Variants in ANO2 observed in about 807,000 individuals in gnomAD.
ANO2 encodes anoctamin 2, also known as anoctamin-2.
In ANO2, 101 loss-of-function variants were observed where a neutral mutation model predicts 124.2. The ratio of observed to expected loss-of-function variants is 0.81; its 90% CI spans 0.69 to 0.96. The LOEUF is 0.96. Ranked by LOEUF, ANO2 falls within the 40% of genes least tolerant of loss-of-function variation. The probability of loss-of-function intolerance (pLI) is 0.00; values close to 1 mark genes in which losing one functional copy is unlikely to be tolerated. For synonymous variants in ANO2, 486 were observed against 482.5 expected, an observed-to-expected ratio of 1.01 and a Z score of -0.09; for missense variants, 1,293 against 1,274.5, an observed-to-expected ratio of 1.01 and a Z score of -0.22.
At chr12:5,832,735 CAAG>C (rs899132844) in intron 4 of ANO2, 132 bp from the exon 5 acceptor site, 10 of 1,075,732 alleles carry the variant, frequency 9.3e-6, no homozygotes, top group African/African-American at 6.4e-5. Context: ...CTGGGAGAAA[CAAG>C]AAGGAGGGCC....
chr12:5,787,515 C>T lies in ANO2; in HGVS notation c.1055+11992G>A, dbSNP rs924995634. 2.8e-4 allele frequency among the ~76,000 whole-genome samples: 43 copies of T among 152,108 alleles called. No individual in the cohort carries two copies. Among genetic ancestry groups the T allele is most frequent in the African/African-American group, 8.9e-4 (37 of 41,404 alleles). ...TCTCACCAACCTTGTGACTTTGGGC[C>T]ACTTAATAATGTCTTTGTGCTTCAA... On this transcript the variant is annotated intron_variant, in intron 10 of 24. Transcript: ENST00000682330. This position sits in a 1 kb window ranked among gnomAD's most constrained non-coding sequence, Gnocchi z 4.2.
intron 14 of ANO2, among the ~76,000 whole-genome samples, chr12:5,689,755 CTT>C (rs936983316): frequency 2.2e-4 from 33 of 152,294 alleles, no homozygotes; most frequent in African/African-American, 7.9e-4. Context: ...CTCCCACAGT[CTT>C]TGATCTTCCC....
chr12:5,946,060 C>T (rs980171452), upstream of ANO2: 23 of 1,482,374 alleles, frequency 1.6e-5, no homozygotes, highest in Non-Finnish European at 2.2e-5. This position sits in a 1 kb window ranked among gnomAD's most constrained non-coding sequence, Gnocchi z 4.1. Context: ...CTCCAAGATG[C>T]ACAGAAGTAA....
At chr12:5,594,844 A>AAAC (rs746557124) in intron 20 of ANO2, among the ~76,000 whole-genome samples, 9 of 152,158 alleles carry the variant, frequency 5.9e-5, no homozygotes, top group East Asian at 1.9e-4. Flanking sequence ...TGTCAAAACA[A>AAAC]AACAACAACA....
At chr12:5,714,177 C>G (rs945317515) in intron 14 of ANO2, among the ~76,000 whole-genome samples, 4 of 152,212 alleles carry the variant, frequency 2.6e-5, no homozygotes, top group Admixed American at 6.5e-5. Flanking sequence ...TTAACTTTGT[C>G]TGGCAAAGGC....
chr12:5,944,102 G>A (rs1187450316), intron 1 of ANO2, among the ~76,000 whole-genome samples: 1 of 152,214 alleles, frequency 6.6e-6, no homozygotes, highest in Non-Finnish European at 1.5e-5. Context: ...GAAATGACGG[G>A]TGCACGTTAA....
At chr12:5,648,535 C>T (rs780202828) in intron 14 of ANO2, among the ~76,000 whole-genome samples, 9 of 152,240 alleles carry the variant, frequency 5.9e-5, no homozygotes, top group Non-Finnish European at 8.8e-5. Context: ...CAGAGTCCTC[C>T]TTCAGCGTGC....
intron 14 of ANO2, among the ~76,000 whole-genome samples, chr12:5,678,164 T>A (rs981138768): frequency 6.6e-6 from 1 of 152,212 alleles, no homozygotes; most frequent in Non-Finnish European, 1.5e-5. Context: ...AGATAATTGA[T>A]GCTGGCAGAT....
At position 5,827,822 on chromosome 12, in the gene ANO2, T is replaced by G; in HGVS notation, c.841-2A>C. The G allele has an allele frequency of 1.2e-6, 2 of 1,610,168 alleles. No individual in the cohort carries two copies. The highest frequency in any genetic ancestry group is 1.7e-6 in the Non-Finnish European group (2 of 1,178,418). On this transcript the variant is annotated splice_acceptor_variant, in intron 6 of 24. Transcript: ENST00000682330. LOFTEE classifies it high-confidence loss of function. ...TGTGCGCTTCAGGATCTCGTGCACCTAAAAGGGGACGACAGCAGAGCTGTG... is the reference window on the plus strand; with the variant it reads ...TGTGCGCTTCAGGATCTCGTGCACCGAAAAGGGGACGACAGCAGAGCTGTG...
chr12:5,858,249 A>C (rs1955165209), intron 3 of ANO2, among the ~76,000 whole-genome samples: 1 of 152,250 alleles, frequency 6.6e-6, no homozygotes, highest in Non-Finnish European at 1.5e-5. Context: ...TTTAATCATT[A>C]CACATTGCAT....
At chr12:5,828,237 G>A (rs1176459985) in intron 6 of ANO2, among the ~76,000 whole-genome samples, 7 of 152,106 alleles carry the variant, frequency 4.6e-5, no homozygotes, top group African/African-American at 1.7e-4. Context: ...GCGGGGTTCT[G>A]TCTGGCGGGT....
At chr12:5,783,515 T>A (rs181220323) in intron 10 of ANO2, among the ~76,000 whole-genome samples, 11 of 152,310 alleles carry the variant, frequency 7.2e-5, no homozygotes, top group African/African-American at 2.6e-4. Flanking sequence ...TTAGGAAGTA[T>A]CATGGCAAAT....
chr12:5,622,979 A>G (rs1292372428), intron 16 of ANO2, among the ~76,000 whole-genome samples: 1 of 151,326 alleles, frequency 6.6e-6, no homozygotes, highest in Non-Finnish European at 1.5e-5. Flanking sequence ...AAAAAAAAAA[A>G]AGAAACGAAA....
chr12:5,651,278 G>A (rs1946903347), intron 14 of ANO2, among the ~76,000 whole-genome samples: 2 of 152,194 alleles, frequency 1.3e-5, no homozygotes, highest in Non-Finnish European at 1.5e-5. Flanking sequence ...AACCACATAA[G>A]TGCCCTTTTG....
chr12:5,658,946 G>C lies in ANO2; in HGVS notation c.1546-11145C>G, dbSNP rs1247730401. On this transcript the variant is annotated intron_variant, in intron 14 of 24. Coordinates refer to ENST00000682330, the MANE Select transcript of ANO2 (RefSeq NM_001364791.2). The surrounding 1 kb of genome is among the most constrained non-coding windows in gnomAD (Gnocchi z 4.3). ...TCATCATCATTGCTTTATCCACCAGGGACCCTGTGGCCCCAACTGATAAGG... is the reference window on the plus strand; with the variant it reads ...TCATCATCATTGCTTTATCCACCAGCGACCCTGTGGCCCCAACTGATAAGG... Among the ~76,000 whole-genome samples the C allele has an allele frequency of 6.6e-6, 1 of 151,956 alleles. No individual in the cohort carries two copies. The highest frequency in any genetic ancestry group is 1.5e-5 in the Non-Finnish European group (1 of 68,010).
At chr12:5,583,438 G>A (rs986081183) in intron 20 of ANO2, among the ~76,000 whole-genome samples, 1 of 152,002 alleles carries the variant, frequency 6.6e-6, no homozygotes, top group Non-Finnish European at 1.5e-5. Flanking sequence ...CGGATCACAA[G>A]GTCAGGAGAT....
intron 20 of ANO2, among the ~76,000 whole-genome samples, chr12:5,589,609 T>C (rs955323019): frequency 6.6e-6 from 1 of 152,158 alleles, no homozygotes; most frequent in Non-Finnish European, 1.5e-5. Context: ...GGCAAGGCCC[T>C]GCAATTTGAA....
At chr12:5,765,609 G>A (rs1951868135) in intron 10 of ANO2, among the ~76,000 whole-genome samples, 1 of 152,122 alleles carries the variant, frequency 6.6e-6, no homozygotes, top group African/African-American at 2.4e-5. Context: ...AGTTCTCTCA[G>A]CTTTATTTTT....
chr12:5,670,841 A>C (rs1947963158), intron 14 of ANO2, among the ~76,000 whole-genome samples: 1 of 152,136 alleles, frequency 6.6e-6, no homozygotes, highest in Non-Finnish European at 1.5e-5. Flanking sequence ...CACCTGGCCA[A>C]AATATGTATT....
Sources: gnomAD v4.1 joint callset for allele counts (sites outside exome capture counted in the v4.1 genomes callset) on GRCh38, gnomAD v4.1.1 for gene constraint, Gnocchi (gnomAD v3.1) non-coding constraint, MANE v1.5 for transcripts, NCBI Gene and HGNC (gene_info 2026-07-23, HGNC 2026-07-21) for gene names.